MTRES1: variants seen among roughly 807,000 people sequenced by gnomAD.
MTRES1 encodes uncharacterized protein C6orf203.
Under a neutral mutation model 17.4 loss-of-function variants are expected in MTRES1, and 11 were observed. That is an observed-to-expected ratio of 0.63 (90% CI 0.40 to 1.05). The LOEUF is 1.05. MTRES1 is among the 50% of genes least tolerant of loss of function. The pLI, the probability that MTRES1 is intolerant of heterozygous loss-of-function variation, is 0.00. For synonymous variants in MTRES1, 94 were observed against 99.6 expected (o/e 0.94, Z 0.34); for missense variants, 268 against 276.2 (o/e 0.97, Z 0.21).
At position 107,040,192 on chromosome 6, in the gene MTRES1, T is replaced by C. The variant is rs1031004396; in HGVS notation, c.432T>C (p.Tyr144=). ...DLEKAVQSFR[Y]DVVLKTGLDI... ...AAAAAGCAGTTCAGTCTTTTCGGTA[T>C]GATGTTGTCCTGAAGACGGGGCTAG... Residue 144 remains tyrosine (Y), a synonymous_variant, in exon 2 of 4, where the codon TAT becomes TAC. Transcript: ENST00000311381. 1 of 1,608,668 alleles carries C rather than the reference T, an allele frequency of 6.2e-7. No individual in the cohort carries two copies. The highest frequency in any genetic ancestry group is 8.5e-7 in the Non-Finnish European group (1 of 1,178,868).
chr6:107,051,100 A>G lies in MTRES1; in HGVS notation c.587A>G (p.Lys196Arg). The G allele has an allele frequency of 6.2e-7, 1 of 1,613,886 alleles. No individual in the cohort carries two copies. Among genetic ancestry groups the G allele is most frequent in the Non-Finnish European group, 8.5e-7 (1 of 1,179,780 alleles). ...DTLDLLIGEDKEAGTETVMRI... is the reference protein window; with the variant it reads ...DTLDLLIGEDREAGTETVMRI... Reference sequence around the variant, plus strand: ...TTGGATCTTCTCATTGGAGAGGATAAAGAAGCAGGAACAGAGACAGTTATG... The same window carrying G: ...TTGGATCTTCTCATTGGAGAGGATAGAGAAGCAGGAACAGAGACAGTTATG... The change falls in exon 4 of 4, where the codon AAA becomes AGA. Residue 196 changes from lysine to arginine, a missense_variant. Physicochemically the swap from Lys to Arg is conservative, Grantham distance 26 (BLOSUM62 2). Coordinates refer to ENST00000311381, the MANE Select transcript of MTRES1 (RefSeq NM_016487.5).
rs753679761 is a variant in MTRES1, at chr6:107,045,537, G to A, written c.543+1205G>A. Among the ~76,000 whole-genome samples the A allele has an allele frequency of 4.6e-5, 7 of 151,438 alleles. No homozygotes were observed. The South Asian group carries it at 6.2e-4, about 14-fold the overall frequency. On this transcript the variant is annotated intron_variant, in intron 3 of 3. Coordinates refer to ENST00000311381, the MANE Select transcript of MTRES1 (RefSeq NM_016487.5). ...ATATTTTTTTGTAAAAGTAAGTTAC[G>A]TATATATATACATCTGGAATTAAAA...
chr6:107,036,612 C>T (rs1458220284), intron 1 of MTRES1, among the ~76,000 whole-genome samples: 2 of 151,930 alleles, frequency 1.3e-5, no homozygotes, highest in South Asian at 2.1e-4. Context: ...GGGAGGCCGA[C>T]GCAGGCAGAT....
intron 1 of MTRES1, among the ~76,000 whole-genome samples, chr6:107,037,718 A>T (rs1774058131): frequency 6.6e-6 from 1 of 151,686 alleles, no homozygotes; most frequent in African/African-American, 2.4e-5. Context: ...ATAGCATTTT[A>T]TTTATTTATT....
At chr6:107,040,372 A>G in intron 2 of MTRES1, 142 bp downstream of exon 2, 1 of 638,706 alleles carries the variant, frequency 1.6e-6, no homozygotes. Context: ...CAATTATTTC[A>G]TTTTATAGAT....
chr6:107,033,035 C>T (rs1158291091), intron 1 of MTRES1, among the ~76,000 whole-genome samples: 1 of 152,168 alleles, frequency 6.6e-6, no homozygotes, highest in Non-Finnish European at 1.5e-5. Flanking sequence ...AAGGCCTACC[C>T]AGGAACTTGG....
intron 2 of MTRES1, among the ~76,000 whole-genome samples, chr6:107,043,992 G>A (rs1446896085): frequency 1.3e-5 from 2 of 152,158 alleles, no homozygotes; most frequent in South Asian, 4.1e-4. Flanking sequence ...GCATGTTGAT[G>A]TGTGCCTGTA....
intron 1 of MTRES1, among the ~76,000 whole-genome samples, chr6:107,036,898 CTCTTTTGGCATGAAA>C (rs1187253849): frequency 1.1e-4 from 17 of 151,040 alleles, no homozygotes; most frequent in Admixed American, 9.9e-4. Flanking sequence ...GTCCTTCCTA[CTCTTTTGGCATGAAA>C]TCTTTCTTGG....
chr6:107,045,000 G>T (rs952807178), intron 3 of MTRES1, among the ~76,000 whole-genome samples: 1 of 151,910 alleles, frequency 6.6e-6, no homozygotes, highest in Non-Finnish European at 1.5e-5. Flanking sequence ...ACCAGCCTGG[G>T]CAACATGGCA....
At position 107,051,480 on chromosome 6, in the gene MTRES1, C is replaced by A. The variant is rs539974876; in HGVS notation, c.*244C>A. 4.8e-6 allele frequency: 2 copies of A among 418,512 alleles called. No individual in the cohort carries two copies. Among genetic ancestry groups the A allele is most frequent in the Non-Finnish European group, 4.3e-6 (1 of 232,550 alleles). 25.9% of individuals were successfully genotyped at this position (418,512 alleles called of 1,614,324 possible). A position where few individuals can be genotyped will look rare whatever the true frequency, so the allele number is the denominator to read the frequency against. On this transcript the variant is annotated 3_prime_UTR_variant, in exon 4 of 4. Transcript: ENST00000311381. ...TGAGAACCCCTTTGCCAGAGTGAGA[C>A]GTGTGCAGAATGAACTAAGCCCCAG...
chr6:107,033,906 G>T (rs1396129807), intron 1 of MTRES1, among the ~76,000 whole-genome samples: 2 of 152,084 alleles, frequency 1.3e-5, no homozygotes, highest in Non-Finnish European at 2.9e-5. Context: ...AACTACAAAT[G>T]GTCATCATCT....
At chr6:107,036,365 G>A (rs1311189956) in intron 1 of MTRES1, among the ~76,000 whole-genome samples, 5 of 151,950 alleles carry the variant, frequency 3.3e-5, no homozygotes, top group Non-Finnish European at 4.4e-5. Flanking sequence ...CCAATATGGA[G>A]AAACCCCATC....
chr6:107,031,483 T>C (rs559276958), intron 1 of MTRES1, among the ~76,000 whole-genome samples: 65 of 146,010 alleles, frequency 4.5e-4, no homozygotes, highest in African/African-American at 1.6e-3. Context: ...GTTTCGCTCC[T>C]GTTGCCCAGG....
chr6:107,048,975 C>T (rs1376115352), intron 3 of MTRES1, among the ~76,000 whole-genome samples: 2 of 151,910 alleles, frequency 1.3e-5, no homozygotes, highest in Non-Finnish European at 2.9e-5. Context: ...AAATCTGCCC[C>T]TCTGTGAGTT....
chr6:107,030,054 C>T (rs914450763), intron 1 of MTRES1: 12 of 717,676 alleles, frequency 1.7e-5, no homozygotes, highest in African/African-American at 3.5e-5. Flanking sequence ...TAGGAATCTT[C>T]GTATTTTTTT....
At chr6:107,039,556 G>A (rs1278657798) in intron 1 of MTRES1, among the ~76,000 whole-genome samples, 193 bp from the exon 2 acceptor site, 3 of 152,104 alleles carry the variant, frequency 2.0e-5, no homozygotes. Flanking sequence ...CTGACCTCAG[G>A]TGATCCACCC....
chr6:107,036,156 T>A (rs564512975), intron 1 of MTRES1, among the ~76,000 whole-genome samples: 1 of 152,306 alleles, frequency 6.6e-6, no homozygotes, highest in Admixed American at 6.5e-5. Flanking sequence ...GCCGTGGCTA[T>A]ACAAACCTGT....
chr6:107,030,731 G>C (rs1387275499), intron 1 of MTRES1, among the ~76,000 whole-genome samples: 1 of 152,166 alleles, frequency 6.6e-6, no homozygotes, highest in Non-Finnish European at 1.5e-5. Flanking sequence ...CCAGCACAGT[G>C]AGCCACTCTT....
chr6:107,038,729 G>A (rs879987540), intron 1 of MTRES1, among the ~76,000 whole-genome samples: 3 of 152,164 alleles, frequency 2.0e-5, no homozygotes, highest in South Asian at 2.1e-4. Context: ...ATGTATGTCA[G>A]TCAACAGTCT....
Sources: gnomAD v4.1 joint callset for allele counts (sites outside exome capture counted in the v4.1 genomes callset) on GRCh38, gnomAD v4.1.1 for gene constraint, MANE v1.5 for transcripts, NCBI Gene and HGNC (gene_info 2026-07-23, HGNC 2026-07-21) for gene names.